KCNT2: variants seen among roughly 807,000 people sequenced by gnomAD.
The protein encoded by KCNT2 is potassium sodium-activated channel subfamily T member 2, also known as potassium channel subfamily T member 2.
A neutral mutation model predicts 153.8 loss-of-function variants in KCNT2; 67 were observed. That is an observed-to-expected ratio of 0.44 (90% CI 0.36 to 0.53). KCNT2 has a LOEUF of 0.53. Among genes scored for constraint, KCNT2 ranks in the 20% least tolerant of loss-of-function variants. The pLI is 0.00. For missense variants in KCNT2, 975 were observed against 1,354.8 expected (o/e 0.72, Z 4.40); for synonymous variants, 500 against 458.8 (o/e 1.09, Z -1.15).
At chr1:196,496,393 G>A (rs576521626) in intron 1 of KCNT2, among the ~76,000 whole-genome samples, 1 of 151,386 alleles carries the variant, frequency 6.6e-6, no homozygotes, top group South Asian at 2.1e-4. Context: ...GCGTGAACCT[G>A]AGAGGCAGAG....
At position 196,226,350 on chromosome 1, in the gene KCNT2, A is replaced by G. The variant is rs1431228368; in HGVS notation, c.*1874T>C. ...TTTATTGTTTTTCTCTGTTACATATATTAGTTCCATTCTGCCTTCAGTTTT... is the reference window on the plus strand; with the variant it reads ...TTTATTGTTTTTCTCTGTTACATATGTTAGTTCCATTCTGCCTTCAGTTTT... On this transcript the variant is annotated 3_prime_UTR_variant, in exon 28 of 28. Transcript: ENST00000294725. 2 of 152,044 alleles carry G rather than the reference A, an allele frequency of 1.3e-5. No individual in the cohort carries two copies. 9.4% of individuals were successfully genotyped at this position (152,044 alleles called of 1,614,324 possible).
intron 8 of KCNT2, among the ~76,000 whole-genome samples, chr1:196,433,987 A>C (rs1674390872): frequency 6.6e-6 from 1 of 151,936 alleles, no homozygotes; most frequent in African/African-American, 2.4e-5. Context: ...TTTTCACTTC[A>C]GGTCTCCAAA....
intron 21 of KCNT2, among the ~76,000 whole-genome samples, chr1:196,312,636 G>A (rs1662301431): frequency 6.6e-6 from 1 of 151,658 alleles, no homozygotes; most frequent in African/African-American, 2.4e-5. Context: ...TAATCTGAAT[G>A]TTCACACAAC....
intron 16 of KCNT2, among the ~76,000 whole-genome samples, chr1:196,335,017 G>T (rs1664880389): frequency 6.6e-6 from 1 of 152,102 alleles, no homozygotes; most frequent in Non-Finnish European, 1.5e-5. Context: ...GAAGGCAGAA[G>T]AAGCAATTCC....
chr1:196,506,016 A>C (rs1217579393), intron 1 of KCNT2, among the ~76,000 whole-genome samples: 1 of 152,200 alleles, frequency 6.6e-6, no homozygotes, highest in African/African-American at 2.4e-5. Flanking sequence ...ATATACAATC[A>C]TGTCATCTGC....
rs192591873 is a variant in KCNT2 at position 196,239,184 on chromosome 1, A to G, written c.3212-3114T>C. Among the ~76,000 whole-genome samples, 441 of 152,080 alleles carry G rather than the reference A, an allele frequency of 2.9e-3. 2 individuals are homozygous for G. The highest frequency in any genetic ancestry group is 4.3e-3 in the Non-Finnish European group (295 of 67,914). On this transcript the variant is annotated intron_variant, in intron 26 of 27. Transcript: ENST00000294725. ...TTCTTACCAAATAAAAATATATATGAAGGGAATTTGCAGTGAATATATTTA... is the reference window on the plus strand; with the variant it reads ...TTCTTACCAAATAAAAATATATATGGAGGGAATTTGCAGTGAATATATTTA...
chr1:196,590,281 A>G (rs1663188249), intron 1 of KCNT2, among the ~76,000 whole-genome samples: 1 of 152,210 alleles, frequency 6.6e-6, no homozygotes, highest in Non-Finnish European at 1.5e-5. Context: ...AATATGCCAA[A>G]TGAGCAAAAA....
chr1:196,595,319 TA>T (rs1663918467), intron 1 of KCNT2, among the ~76,000 whole-genome samples: 2 of 152,136 alleles, frequency 1.3e-5, no homozygotes, highest in Non-Finnish European at 2.9e-5. Context: ...ATTATAGTGA[TA>T]ATAATGGTGA....
chr1:196,502,266 C>A (rs1680765514), intron 1 of KCNT2, among the ~76,000 whole-genome samples: 1 of 152,182 alleles, frequency 6.6e-6, no homozygotes, highest in Non-Finnish European at 1.5e-5. Flanking sequence ...TTTTTGCCAT[C>A]TAAGTCTTTT....
intron 12 of KCNT2, among the ~76,000 whole-genome samples, chr1:196,399,835 C>T (rs976666835): frequency 6.6e-6 from 1 of 151,774 alleles, no homozygotes; most frequent in Admixed American, 6.6e-5. Flanking sequence ...AGAGCTCCCT[C>T]GCTTCTTCAG....
At chr1:196,541,928 T>C (rs1034218314) in intron 1 of KCNT2, among the ~76,000 whole-genome samples, 3 of 152,016 alleles carry the variant, frequency 2.0e-5, no homozygotes, top group Non-Finnish European at 2.9e-5. Flanking sequence ...AGTCAAACAC[T>C]TTAAGAACAA....
chr1:196,308,210 A>G (rs920745681), intron 21 of KCNT2, among the ~76,000 whole-genome samples: 9 of 151,966 alleles, frequency 5.9e-5, no homozygotes, highest in African/African-American at 2.2e-4. Flanking sequence ...ATAACTATAA[A>G]GCACGGCTCT....
At chr1:196,350,334 G>C (rs1477681671) in intron 14 of KCNT2, among the ~76,000 whole-genome samples, 3 of 152,124 alleles carry the variant, frequency 2.0e-5, no homozygotes, top group East Asian at 1.9e-4. Flanking sequence ...CAGTGTAAAA[G>C]TGTTCCTCTT....
chr1:196,495,157 AC>A (rs1247946862), intron 1 of KCNT2, among the ~76,000 whole-genome samples: 1 of 152,144 alleles, frequency 6.6e-6, no homozygotes, highest in Non-Finnish European at 1.5e-5. Context: ...AAATTATACA[AC>A]TTTTATTTAA....
At chr1:196,404,667 C>G (rs569354711) in intron 12 of KCNT2, among the ~76,000 whole-genome samples, 18 of 151,584 alleles carry the variant, frequency 1.2e-4, no homozygotes, top group Admixed American at 4.0e-4. Flanking sequence ...GATGATGCTA[C>G]TTGATCCCAT....
At chr1:196,356,817 T>A (rs1667211760) in intron 14 of KCNT2, among the ~76,000 whole-genome samples, 1 of 151,748 alleles carries the variant, frequency 6.6e-6, no homozygotes, top group South Asian at 2.1e-4. Flanking sequence ...TGTTCAGACT[T>A]GTGGTGAATT....
chr1:196,389,591 G>C (rs978957942), intron 13 of KCNT2, among the ~76,000 whole-genome samples: 4 of 151,644 alleles, frequency 2.6e-5, no homozygotes, highest in Non-Finnish European at 5.9e-5. Context: ...TTCAAGGGCA[G>C]TGTTAGTAGA....
chr1:196,258,055 A>G (rs1461508306), intron 26 of KCNT2, 139 bp downstream of exon 26: 1 of 1,434,776 alleles, frequency 7.0e-7, no homozygotes, highest in Non-Finnish European at 9.1e-7. Flanking sequence ...TTTCTGTAGG[A>G]GATCAGATGT....
intron 1 of KCNT2, among the ~76,000 whole-genome samples, chr1:196,550,870 A>G (rs1305023457): frequency 6.6e-6 from 1 of 151,846 alleles, no homozygotes. Context: ...GATGGATCCC[A>G]TGGAAAATTT....
Sources: gnomAD v4.1 joint callset for allele counts (sites outside exome capture counted in the v4.1 genomes callset) on GRCh38, gnomAD v4.1.1 for gene constraint, MANE v1.5 for transcripts, NCBI Gene and HGNC (gene_info 2026-07-23, HGNC 2026-07-21) for gene names.